Variants in DFFB observed in about 807,000 individuals in gnomAD.
The protein encoded by DFFB is DNA fragmentation factor subunit beta.
Under a neutral mutation model 32.7 loss-of-function variants are expected in DFFB, and 29 were observed. The observed-to-expected ratio is 0.89, with a 90% CI of 0.66 to 1.21. The LOEUF (loss-of-function observed/expected upper bound fraction) is 1.21, where lower values mean the gene tolerates loss of function less well. DFFB is among the 50% of genes most tolerant of loss of function. The probability of loss-of-function intolerance (pLI) is 0.00; values close to 1 mark genes in which losing one functional copy is unlikely to be tolerated. For synonymous variants in DFFB, 170 were observed against 177.1 expected (o/e 0.96, Z 0.32); for missense variants, 398 against 440.6 (o/e 0.90, Z 0.87).
At chr1:3,877,539 G>A (rs1261523373) in intron 6 of DFFB, among the ~76,000 whole-genome samples, 2 of 151,500 alleles carry the variant, frequency 1.3e-5, no homozygotes, top group South Asian at 4.2e-4. Flanking sequence ...CATGTTGGCC[G>A]AGCTGGTCTC....
chr1:3,879,941 G>A (rs114554971), intron 6 of DFFB, among the ~76,000 whole-genome samples: 1 of 152,324 alleles, frequency 6.6e-6, no homozygotes, highest in East Asian at 1.9e-4. Context: ...ACAGTCACAT[G>A]CTAAAGCATT....
chr1:3,869,541 G>A (rs1001497126), intron 4 of DFFB, 64 bp from the exon 5 acceptor site: 48 of 1,519,440 alleles, frequency 3.2e-5, no homozygotes, highest in African/African-American at 9.7e-5. Context: ...GAGATGGATC[G>A]AGAGCCAGTG....
chr1:3,874,015 T>C (rs990968592), intron 6 of DFFB, among the ~76,000 whole-genome samples: 10 of 112,188 alleles, frequency 8.9e-5, no homozygotes, highest in African/African-American at 2.8e-4. Flanking sequence ...GGGAAAACAC[T>C]TGTGAAAGGT....
rs1644766664 is a variant in DFFB, at chr1:3,857,532, G to T, written c.-72G>T. The T allele has an allele frequency of 1.7e-6, 2 of 1,161,914 alleles. No individual in the cohort carries two copies. Among genetic ancestry groups the T allele is most frequent in the African/African-American group, 1.6e-5 (1 of 62,290 alleles). 72.0% of individuals were successfully genotyped at this position (1,161,914 alleles called of 1,614,324 possible). A position where few individuals can be genotyped will look rare whatever the true frequency, so the allele number is the denominator to read the frequency against. On this transcript the variant is annotated 5_prime_UTR_variant, in exon 1 of 7. Coordinates refer to ENST00000378209, the MANE Select transcript of DFFB (RefSeq NM_004402.4). ...AGGTGCAGACCCCTGCGGCCAGGGC[G>T]AGGACGGATCTGAGCAGCTGGGCAG...
intron 5 of DFFB, 42 bp from the exon 6 acceptor site, chr1:3,872,430 G>A (rs774138337): frequency 7.7e-6 from 11 of 1,423,476 alleles, no homozygotes; most frequent in Non-Finnish European, 9.8e-6. Context: ...AAAAAAAAGA[G>A]ACTCACTTTC....
intron 6 of DFFB, among the ~76,000 whole-genome samples, chr1:3,882,383 T>TC (rs1001759907): frequency 1.3e-4 from 20 of 152,052 alleles, no homozygotes; most frequent in Non-Finnish European, 4.4e-5. Flanking sequence ...CTTTTTTTTT[T>TC]CAGACAGAAT....
Position 3,883,847 on chromosome 1 carries a change from A to G in DFFB, c.*106A>G. On this transcript the variant is annotated 3_prime_UTR_variant, in exon 7 of 7. Coordinates refer to ENST00000378209, the MANE Select transcript of DFFB (RefSeq NM_004402.4). ...TTTTCGTTTTTTTGGTCACTCCAGT[A>G]GCTCCTGGAAAAAACCTTAAAAAAT... The G allele has an allele frequency of 1.2e-6, 1 of 817,720 alleles. No homozygotes were observed. Among genetic ancestry groups the G allele is most frequent in the South Asian group, 1.7e-5 (1 of 58,130 alleles). 50.7% of individuals were successfully genotyped at this position (817,720 alleles called of 1,614,324 possible).
intron 6 of DFFB, among the ~76,000 whole-genome samples, chr1:3,874,320 C>T (rs1022442440): frequency 9.6e-5 from 9 of 93,982 alleles, no homozygotes; most frequent in South Asian, 4.1e-4. Flanking sequence ...GTTTAACATG[C>T]ACATACGTGG....
At chr1:3,872,682 C>T (rs577537997) in intron 6 of DFFB, 110 bp downstream of exon 6, 14 of 955,170 alleles carry the variant, frequency 1.5e-5, no homozygotes, top group Non-Finnish European at 1.9e-5. Flanking sequence ...GTCCCTGCCA[C>T]GGTGTTGCCT....
chr1:3,877,836 C>T (rs942317254), intron 6 of DFFB, among the ~76,000 whole-genome samples: 1 of 113,740 alleles, frequency 8.8e-6, no homozygotes, highest in Non-Finnish European at 2.0e-5. Context: ...TCCACTGTGC[C>T]GGCTTTCTAT....
Position 3,865,722 on chromosome 1 carries a change from G to T in DFFB, c.242-90G>T, listed in dbSNP as rs1193656836. ...GTGATTGCCAGGCCCTGGGGAATGG[G>T]GGAAGATGTGGTCAGAGGCTCTTCT... On this transcript the variant is annotated intron_variant, in intron 2 of 6. Transcript: ENST00000378209. This position sits in a 1 kb window ranked among gnomAD's most constrained non-coding sequence, Gnocchi z 4.7. 6.2e-7 allele frequency: 1 copy of T among 1,601,368 alleles called. No individual in the cohort carries two copies. Among genetic ancestry groups the T allele is most frequent in the Admixed American group, 1.7e-5 (1 of 59,958 alleles).
At chr1:3,879,659 G>C (rs1645297994) in intron 6 of DFFB, among the ~76,000 whole-genome samples, 1 of 152,130 alleles carries the variant, frequency 6.6e-6, no homozygotes, top group South Asian at 2.1e-4. Context: ...AGGACTGTGA[G>C]AGAGTAAATA....
intron 6 of DFFB, among the ~76,000 whole-genome samples, chr1:3,873,419 G>A (rs1017584816): frequency 9.2e-5 from 14 of 151,756 alleles, no homozygotes; most frequent in Non-Finnish European, 1.6e-4. Context: ...AATTCAAAAC[G>A]TTTTGCGACC....
chr1:3,858,774 A>T lies in DFFB; in HGVS notation c.171A>T (p.Glu57Asp), dbSNP rs1387543631. Residue 57 changes from glutamate to aspartate, a missense_variant, in exon 2 of 7, where the codon GAA becomes GAT. Glu to Asp is a conservative substitution (Grantham distance 45, BLOSUM62 2). Transcript: ENST00000378209. ...CLYEDGTELT[E>D]DYFPSVPDNA... The stretch of plus-strand genomic sequence containing the variant: ...ACGAGGATGGCACGGAGCTGACGGA[A>T]GATTACTTCCCCAGTGTTCCCGACA... 16 of 1,614,040 alleles carry T rather than the reference A, an allele frequency of 9.9e-6. No individual in the cohort carries two copies. The highest frequency in any genetic ancestry group is 1.4e-5 in the Non-Finnish European group (16 of 1,180,048).
At position 3,874,320 on chromosome 1, in the gene DFFB, C is replaced by G. The variant is rs1022442440; in HGVS notation, c.782+1748C>G. Among the ~76,000 whole-genome samples the G allele has an allele frequency of 9.6e-5, 9 of 93,998 alleles. 1 individual carries two copies. The highest frequency in any genetic ancestry group is 1.9e-4 in the Non-Finnish European group (9 of 46,910). 61.7% of individuals were successfully genotyped at this position (93,998 alleles called of 152,430 possible). A position where few individuals can be genotyped will look rare whatever the true frequency, so the allele number is the denominator to read the frequency against. ...ACCACACGCGTGTGGGTTTAACATGCACATACGTGGTGGCCCACGCTGTGG... is the reference window on the plus strand; with the variant it reads ...ACCACACGCGTGTGGGTTTAACATGGACATACGTGGTGGCCCACGCTGTGG... On this transcript the variant is annotated intron_variant, in intron 6 of 6. Coordinates refer to ENST00000378209, the MANE Select transcript of DFFB (RefSeq NM_004402.4).
Position 3,883,829 on chromosome 1 carries a change from T to C in DFFB, c.*88T>C. ...CCTTTTTTGTTTTTTTGTTTTTCGT[T>C]TTTTTGGTCACTCCAGTAGCTCCTG... is the stretch of plus-strand genomic sequence containing the variant. On this transcript the variant is annotated 3_prime_UTR_variant, in exon 7 of 7. Coordinates refer to ENST00000378209, the MANE Select transcript of DFFB (RefSeq NM_004402.4). The C allele has an allele frequency of 8.7e-7, 1 of 1,149,358 alleles. No homozygotes were observed. Among genetic ancestry groups the C allele is most frequent in the South Asian group, 1.4e-5 (1 of 71,466 alleles). 71.2% of individuals were successfully genotyped at this position (1,149,358 alleles called of 1,614,324 possible).
At position 3,872,461 on chromosome 1, in the gene DFFB, T is replaced by C; in HGVS notation, c.682-11T>C. The C allele has an allele frequency of 6.2e-7, 1 of 1,610,116 alleles. No individual in the cohort carries two copies. Among genetic ancestry groups the C allele is most frequent in the South Asian group, 1.1e-5 (1 of 90,944 alleles). Reference sequence around the variant, plus strand: ...CTTTCTGGCCTTCCCTCATTGTCTTTTGGCCCCCAGGGTCCCTTTGACATG... The same window carrying C: ...CTTTCTGGCCTTCCCTCATTGTCTTCTGGCCCCCAGGGTCCCTTTGACATG... On this transcript the variant is annotated splice_polypyrimidine_tract_variant and intron_variant, in intron 5 of 6. Coordinates refer to ENST00000378209, the MANE Select transcript of DFFB (RefSeq NM_004402.4).
At chr1:3,872,936 C>A (rs1557721693) in intron 6 of DFFB, 1 of 1,217,440 alleles carries the variant, frequency 8.2e-7, no homozygotes, top group African/African-American at 1.6e-5. Context: ...TGAGTTTGAA[C>A]CAGGGTGAGC....
chr1:3,860,209 T>C (rs1313733595), intron 2 of DFFB, among the ~76,000 whole-genome samples: 1 of 152,106 alleles, frequency 6.6e-6, no homozygotes, highest in African/African-American at 2.4e-5. Flanking sequence ...ATTACAGGCA[T>C]GAGCCACTGT....
Sources: allele counts gnomAD v4.1 joint callset (sites outside exome capture counted in the v4.1 genomes callset), GRCh38; gene constraint gnomAD v4.1.1; non-coding constraint Gnocchi (gnomAD v3.1); transcripts MANE v1.5; gene names NCBI Gene and HGNC (gene_info 2026-07-23, HGNC 2026-07-21).